Variants in KCNIP4 observed in about 807,000 individuals in gnomAD.
KCNIP4 encodes the protein Kv channel-interacting protein 4.
KCNIP4 carries 12 observed loss-of-function variants against 34.0 expected under a neutral mutation model. That is an observed-to-expected ratio of 0.35 (90% CI 0.23 to 0.57). The LOEUF is 0.57. Ranked by LOEUF, KCNIP4 falls within the 20% of genes least tolerant of loss-of-function variation. The probability of loss-of-function intolerance (pLI) is 0.83; values close to 1 mark genes in which losing one functional copy is unlikely to be tolerated. For missense variants in KCNIP4, 238 were observed against 311.7 expected (o/e 0.76, Z 1.78); for synonymous variants, 124 against 102.2 (o/e 1.21, Z -1.29).
At chr4:21,108,645 C>T (rs1230317795) in intron 1 of KCNIP4, among the ~76,000 whole-genome samples, 1 of 151,764 alleles carries the variant, frequency 6.6e-6, no homozygotes, top group Admixed American at 6.5e-5. Flanking sequence ...TGGTGAGGAA[C>T]TGCGTTCCTT....
chr4:21,147,646 T>A (rs1752453707), intron 1 of KCNIP4, among the ~76,000 whole-genome samples: 1 of 152,100 alleles, frequency 6.6e-6, no homozygotes, highest in Non-Finnish European at 1.5e-5. Flanking sequence ...ATTAAAAGCA[T>A]CAAGTACTTT....
At chr4:20,864,101 T>G (rs181253696) in intron 2 of KCNIP4, among the ~76,000 whole-genome samples, 1 of 125,988 alleles carries the variant, frequency 7.9e-6, no homozygotes, top group Non-Finnish European at 1.9e-5. Context: ...CATGTATACG[T>G]ATGTATGTAT....
intron 1 of KCNIP4, among the ~76,000 whole-genome samples, chr4:21,764,529 G>A (rs139294281): frequency 7.0e-4 from 107 of 152,134 alleles, no homozygotes; most frequent in African/African-American, 2.6e-3. Context: ...ACCCATAGTT[G>A]GTGATGATTA....
chr4:20,936,483 C>G (rs1251028896), intron 1 of KCNIP4, among the ~76,000 whole-genome samples: 1 of 151,328 alleles, frequency 6.6e-6, no homozygotes, highest in East Asian at 1.9e-4. Flanking sequence ...TGCTATATTA[C>G]TCTATTTATA....
intron 1 of KCNIP4, among the ~76,000 whole-genome samples, chr4:21,318,313 G>T (rs779459826): frequency 2.0e-5 from 3 of 152,150 alleles, no homozygotes; most frequent in Non-Finnish European, 4.4e-5. Context: ...TTTCAATTAT[G>T]TACAATCCTT....
intron 1 of KCNIP4, among the ~76,000 whole-genome samples, chr4:21,329,299 C>T (rs1578085357): frequency 1.3e-5 from 2 of 150,944 alleles, no homozygotes; most frequent in South Asian, 4.1e-4. Flanking sequence ...GAAAAACATA[C>T]ACAGTTTCCA....
intron 1 of KCNIP4, among the ~76,000 whole-genome samples, chr4:21,323,700 T>C (rs1424173006): frequency 2.0e-5 from 3 of 152,090 alleles, no homozygotes; most frequent in Admixed American, 1.3e-4. Flanking sequence ...ATCTTGGATA[T>C]TGTGAATAGT....
At chr4:20,894,405 T>G (rs1271390530) in intron 1 of KCNIP4, among the ~76,000 whole-genome samples, 1 of 152,186 alleles carries the variant, frequency 6.6e-6, no homozygotes, top group Non-Finnish European at 1.5e-5. Context: ...CCACAGTAAC[T>G]AGTATATATT....
intron 1 of KCNIP4, among the ~76,000 whole-genome samples, chr4:21,628,536 C>G (rs73254387): frequency 1.3e-5 from 2 of 152,156 alleles, no homozygotes; most frequent in African/African-American, 2.4e-5. Context: ...GAGAGCAAGA[C>G]GGTCTCTGCA....
intron 1 of KCNIP4, among the ~76,000 whole-genome samples, chr4:21,072,797 T>C (rs1446412306): frequency 6.6e-6 from 1 of 152,226 alleles, no homozygotes; most frequent in Non-Finnish European, 1.5e-5. Flanking sequence ...TGTAAGTCTT[T>C]AATCCACCTT....
At chr4:20,914,365 C>T (rs1336492277) in intron 1 of KCNIP4, among the ~76,000 whole-genome samples, 2 of 151,988 alleles carry the variant, frequency 1.3e-5, no homozygotes, top group Non-Finnish European at 2.9e-5. Flanking sequence ...GGATGGAGTC[C>T]TCATAAATGC....
At chr4:21,009,597 G>A (rs1386592067) in intron 1 of KCNIP4, among the ~76,000 whole-genome samples, 1 of 152,154 alleles carries the variant, frequency 6.6e-6, no homozygotes, top group Non-Finnish European at 1.5e-5. Context: ...CCTCTGTAGT[G>A]CATTTAATTA....
At chr4:21,105,299 A>G (rs1022014600) in intron 1 of KCNIP4, among the ~76,000 whole-genome samples, 3 of 151,670 alleles carry the variant, frequency 2.0e-5, no homozygotes, top group African/African-American at 7.3e-5. Context: ...TTCTCCTTGA[A>G]GAGGTCCTTC....
intron 1 of KCNIP4, among the ~76,000 whole-genome samples, chr4:21,793,598 T>A (rs556747615): frequency 1.2e-4 from 18 of 152,220 alleles, no homozygotes; most frequent in East Asian, 5.8e-4. Context: ...CAAAATAAAA[T>A]TCAAACACAT....
chr4:20,795,174 C>G (rs920594001), intron 3 of KCNIP4, among the ~76,000 whole-genome samples: 2 of 152,106 alleles, frequency 1.3e-5, no homozygotes, highest in Non-Finnish European at 2.9e-5. Flanking sequence ...ACTCTGAATT[C>G]TTTTGGTGAT....
intron 1 of KCNIP4, among the ~76,000 whole-genome samples, chr4:21,077,903 G>A (rs1204801986): frequency 1.3e-5 from 2 of 152,020 alleles, no homozygotes; most frequent in Non-Finnish European, 1.5e-5. Context: ...TGTCATAGTA[G>A]CGTAAAAGAG....
intron 1 of KCNIP4, among the ~76,000 whole-genome samples, chr4:21,049,384 G>C (rs1174823492): frequency 6.6e-6 from 1 of 152,188 alleles, no homozygotes; most frequent in Non-Finnish European, 1.5e-5. Context: ...AAGTTTTGGT[G>C]TGGTCTTTAA....
chr4:21,444,978 T>A (rs374065519), intron 1 of KCNIP4, among the ~76,000 whole-genome samples: 1 of 152,036 alleles, frequency 6.6e-6, no homozygotes, highest in East Asian at 1.9e-4. Flanking sequence ...TATACACCAA[T>A]AACAGACAAA....
intron 1 of KCNIP4, among the ~76,000 whole-genome samples, chr4:21,029,852 T>C (rs1051850561): frequency 1.3e-5 from 2 of 152,212 alleles, no homozygotes; most frequent in Non-Finnish European, 2.9e-5. Context: ...TAATGACTCT[T>C]TCCATTTCAA....
Sources: allele counts gnomAD v4.1 joint callset (sites outside exome capture counted in the v4.1 genomes callset), GRCh38; gene constraint gnomAD v4.1.1; transcripts MANE v1.5; gene names NCBI Gene and HGNC (gene_info 2026-07-23, HGNC 2026-07-21).